NGF: variants seen among roughly 807,000 people sequenced by gnomAD.
The protein encoded by NGF is nerve growth factor.
NGF carries 4 observed loss-of-function variants against 12.8 expected under a neutral mutation model. The ratio of observed to expected loss-of-function variants is 0.31; its 90% CI spans 0.15 to 0.72. The LOEUF is 0.72. NGF is among the 30% of genes least tolerant of loss of function. The pLI is 0.69. For synonymous variants in NGF, 140 were observed against 130.0 expected, an observed-to-expected ratio of 1.08 and a Z score of -0.52; for missense variants, 283 against 330.8, an observed-to-expected ratio of 0.86 and a Z score of 1.12.
intron 1 of NGF, among the ~76,000 whole-genome samples, chr1:115,294,138 A>G (rs1653791449): frequency 6.6e-6 from 1 of 152,258 alleles, no homozygotes; most frequent in Non-Finnish European, 1.5e-5. Context: ...ACTCTGAACC[A>G]GCCTAAAATA....
chr1:115,337,177 T>C (rs1655129829), intron 1 of NGF, among the ~76,000 whole-genome samples: 1 of 151,514 alleles, frequency 6.6e-6, no homozygotes, highest in Non-Finnish European at 1.5e-5. Context: ...AAGCAGGCTC[T>C]TTTTTAATCT....
chr1:115,325,671 A>G (rs1324640036), intron 1 of NGF, among the ~76,000 whole-genome samples: 1 of 152,150 alleles, frequency 6.6e-6, no homozygotes, highest in East Asian at 1.9e-4. Context: ...CTGTTGGCCT[A>G]AAAGAAAAAC....
Position 115,286,805 on chromosome 1 carries a change from C to A in NGF, c.-10G>T. On this transcript the variant is annotated splice_region_variant and 5_prime_UTR_variant, in exon 3 of 3. Transcript: ENST00000369512. ...AGAACAACATGGACATTACGCTATG[C>A]ACCTGGAATGAAAAAGAAATGAGGG... 1 of 1,614,070 alleles carries A rather than the reference C, an allele frequency of 6.2e-7. No homozygotes were observed. The highest frequency in any genetic ancestry group is 8.5e-7 in the Non-Finnish European group (1 of 1,180,034).
intron 1 of NGF, among the ~76,000 whole-genome samples, chr1:115,303,592 A>C (rs556823770): frequency 7.3e-4 from 111 of 152,002 alleles, no homozygotes; most frequent in African/African-American, 2.6e-3. Context: ...CTCACCACCA[A>C]CATCCTACCA....
At chr1:115,317,612 T>C (rs774938886) in intron 1 of NGF, among the ~76,000 whole-genome samples, 1 of 152,210 alleles carries the variant, frequency 6.6e-6, no homozygotes, top group Non-Finnish European at 1.5e-5. Context: ...CCCACGTATT[T>C]GGGGATCTGA....
At chr1:115,290,386 CTTTTTTT>C (rs67332447) in intron 2 of NGF, among the ~76,000 whole-genome samples, 1 of 64,412 alleles carries the variant, frequency 1.6e-5, no homozygotes, top group African/African-American at 5.7e-5. Flanking sequence ...CTTCTCTCAT[CTTTTTTT>C]TTTTTTTTTT....
chr1:115,334,668 T>C (rs1400636139), intron 1 of NGF, among the ~76,000 whole-genome samples: 2 of 152,156 alleles, frequency 1.3e-5, no homozygotes, highest in Non-Finnish European at 2.9e-5. Context: ...AAAAGACTTC[T>C]CAACTGGGAG....
chr1:115,333,663 TTCTTTCTTTCTTTC>T (rs1408394699), intron 1 of NGF, among the ~76,000 whole-genome samples: 1 of 25,172 alleles, frequency 4.0e-5, no homozygotes, highest in Non-Finnish European at 6.3e-5. Flanking sequence ...TTCTCTTTCT[TTCTTTCTTTCTTTC>T]TTTCTTTCTT....
rs557295047 is a variant in NGF at position 115,302,212 on chromosome 1, C to G, written c.-136-8462G>C. Among the ~76,000 whole-genome samples the G allele has an allele frequency of 2.0e-5, 3 of 152,328 alleles. No homozygotes were observed. In the South Asian group the frequency reaches 6.2e-4, roughly 32 times the overall value. ...TTCTTGGATAACTGGGTGAGCCTCCCTTTCACTTTGGCTATGTAGTGTTTT... is the reference window on the plus strand; with the variant it reads ...TTCTTGGATAACTGGGTGAGCCTCCGTTTCACTTTGGCTATGTAGTGTTTT... On this transcript the variant is annotated intron_variant, in intron 1 of 2. Coordinates refer to ENST00000369512, the MANE Select transcript of NGF (RefSeq NM_002506.3).
intron 1 of NGF, among the ~76,000 whole-genome samples, chr1:115,294,865 G>A (rs1653813976): frequency 6.6e-6 from 1 of 152,212 alleles, no homozygotes; most frequent in African/African-American, 2.4e-5. Flanking sequence ...GACACAGCAA[G>A]GAGCTATGGT....
At chr1:115,289,162 C>A (rs2268793) in intron 2 of NGF, among the ~76,000 whole-genome samples, 49 of 152,188 alleles carry the variant, frequency 3.2e-4, no homozygotes, top group African/African-American at 1.1e-3. Context: ...CAACTCTTAG[C>A]GGACTGAATA....
rs116844492 is a variant in NGF, at chr1:115,289,278, A to C, written c.-12-2471T>G. On this transcript the variant is annotated intron_variant, in intron 2 of 2. Transcript: ENST00000369512. ...CTCTTATCAGATACATTAAAGGAGAAGAAAGAAAACTGAAATTCATTCCCT... is the reference window on the plus strand; with the variant it reads ...CTCTTATCAGATACATTAAAGGAGACGAAAGAAAACTGAAATTCATTCCCT... Among the ~76,000 whole-genome samples the C allele has an allele frequency of 5.1e-4, 77 of 152,366 alleles. 1 individual carries two copies. In the East Asian group the frequency reaches 0.014, roughly 29 times the overall value.
Position 115,286,389 on chromosome 1 carries a change from C to T in NGF, c.407G>A (p.Cys136Tyr). Residue 136 changes from cysteine (C) to tyrosine (Y), a missense_variant, in exon 3 of 3, where the codon TGT (cysteine) becomes TAT (tyrosine). Physicochemically the swap from Cys to Tyr is radical, Grantham distance 194. Coordinates refer to ENST00000369512, the MANE Select transcript of NGF (RefSeq NM_002506.3). ...CCCAACCCACACGCTGACACTGTCA[C>T]ACACCGAGAATTCGCCCCTGTGGAA... ...PIFHRGEFSV[C>Y]DSVSVWVGDK... The T allele has an allele frequency of 6.2e-7, 1 of 1,613,990 alleles. No individual in the cohort carries two copies. The highest frequency in any genetic ancestry group is 8.5e-7 in the Non-Finnish European group (1 of 1,180,004).
At chr1:115,337,256 GTTTTGTTTTTGTTTT>G (rs1655136638) in intron 1 of NGF, among the ~76,000 whole-genome samples, 1 of 27,200 alleles carries the variant, frequency 3.7e-5, no homozygotes, top group Admixed American at 2.7e-4. Flanking sequence ...AATTTTTTTT[GTTTTGTTTTTGTTTT>G]TTTTTTTTTT....
At chr1:115,287,097 A>T (rs1254094237) in intron 2 of NGF, among the ~76,000 whole-genome samples, 2 of 152,194 alleles carry the variant, frequency 1.3e-5, no homozygotes, top group Non-Finnish European at 2.9e-5. Flanking sequence ...GCTTGGAGAC[A>T]TCACTTACAG....
intron 1 of NGF, among the ~76,000 whole-genome samples, chr1:115,336,418 G>A (rs1405187297): frequency 6.6e-6 from 1 of 151,628 alleles, no homozygotes; most frequent in Admixed American, 6.6e-5. Context: ...GGCAACATGT[G>A]GCATTAACCC....
intron 2 of NGF, among the ~76,000 whole-genome samples, chr1:115,291,837 G>C (rs988502495): frequency 6.6e-6 from 1 of 152,224 alleles, no homozygotes; most frequent in Admixed American, 6.5e-5. Flanking sequence ...GCACTGGGAG[G>C]CTTGGCAACC....
intron 1 of NGF, among the ~76,000 whole-genome samples, chr1:115,314,868 T>C (rs1338822948): frequency 6.6e-6 from 1 of 152,180 alleles, no homozygotes; most frequent in African/African-American, 2.4e-5. Context: ...TGGTGATAAG[T>C]GCTGGAAGAA....
intron 1 of NGF, among the ~76,000 whole-genome samples, chr1:115,320,886 A>G (rs1046335771): frequency 1.3e-5 from 2 of 152,178 alleles, no homozygotes; most frequent in Admixed American, 6.5e-5. Flanking sequence ...CCAGGTTAGA[A>G]GTGTGGCCTC....
Sources: gnomAD v4.1 joint callset for allele counts (sites outside exome capture counted in the v4.1 genomes callset) on GRCh38, gnomAD v4.1.1 for gene constraint, MANE v1.5 for transcripts, NCBI Gene and HGNC (gene_info 2026-07-23, HGNC 2026-07-21) for gene names.